TMX4: variants seen among roughly 807,000 people sequenced by gnomAD.
The protein encoded by TMX4 is thioredoxin related transmembrane protein 4.
A neutral mutation model predicts 33.3 loss-of-function variants in TMX4; 23 were observed. The observed-to-expected ratio is 0.69, with a 90% confidence interval of 0.50 to 0.98. TMX4 has a LOEUF of 0.98. Among genes scored for constraint, TMX4 ranks in the 50% least tolerant of loss-of-function variants. The pLI is 0.00. For missense variants in TMX4, 399 were observed against 448.9 expected, an observed-to-expected ratio of 0.89 and a Z score of 1.01; for synonymous variants, 164 against 161.5, an observed-to-expected ratio of 1.02 and a Z score of -0.12.
chr20:7,984,222 G>T (rs1333279148), intron 6 of TMX4, among the ~76,000 whole-genome samples: 2 of 152,216 alleles, frequency 1.3e-5, no homozygotes, highest in African/African-American at 4.8e-5. Context: ...GGTAACCCCT[G>T]ATTGAATGGA....
intron 2 of TMX4, among the ~76,000 whole-genome samples, chr20:8,006,528 A>G (rs1177124544): frequency 3.9e-5 from 6 of 152,184 alleles, no homozygotes; most frequent in East Asian, 3.9e-4. Context: ...GGGAAAAATA[A>G]TATCATTTCA....
In TMX4 at chr20:8,019,491, G is replaced by C; in HGVS notation, c.123C>G (p.Pro41=). The change falls in exon 1 of 8, where the codon CCC becomes CCG. Residue 41 remains proline (P), a synonymous_variant. Coordinates refer to ENST00000246024, the MANE Select transcript of TMX4 (RefSeq NM_021156.4). The part of the protein sequence containing the change: ...ALPPEQSRVQ[P]MTASNWTLVM... ...CCAGCGTCCAGTTGGAGGCGGTCATGGGCTGGACCCGGCTCTGCTCCGGCG... is the reference window on the plus strand; with the variant it reads ...CCAGCGTCCAGTTGGAGGCGGTCATCGGCTGGACCCGGCTCTGCTCCGGCG... The C allele has an allele frequency of 1.3e-6, 2 of 1,512,654 alleles. No individual in the cohort carries two copies. Among genetic ancestry groups the C allele is most frequent in the Non-Finnish European group, 8.8e-7 (1 of 1,130,200 alleles). The allele number at this position is 1,512,654 out of a possible 1,614,324, so 93.7% of individuals were successfully genotyped here. A position where few individuals can be genotyped will look rare whatever the true frequency, so the allele number is the denominator to read the frequency against.
chr20:7,997,645 A>G (rs917680348), intron 4 of TMX4, among the ~76,000 whole-genome samples: 2 of 152,182 alleles, frequency 1.3e-5, no homozygotes, highest in Admixed American at 1.3e-4. Flanking sequence ...CCCAGCCAAT[A>G]AAAAAAGGAT....
At chr20:7,994,390 G>C (rs969902201) in intron 5 of TMX4, among the ~76,000 whole-genome samples, 2 of 152,086 alleles carry the variant, frequency 1.3e-5, no homozygotes, top group African/African-American at 2.4e-5. Flanking sequence ...TGTGTACAAA[G>C]ATAAAACACC....
At chr20:8,015,843 C>T (rs1196160517) in intron 1 of TMX4, among the ~76,000 whole-genome samples, 1 of 152,136 alleles carries the variant, frequency 6.6e-6, no homozygotes, top group African/African-American at 2.4e-5. Flanking sequence ...GAAACATGAT[C>T]ATTCCAAAAA....
rs375964339 is a variant in TMX4 at position 7,996,088 on chromosome 20, G to C, written c.468-17C>G. 6 of 1,603,984 alleles carry C rather than the reference G, an allele frequency of 3.7e-6. No homozygotes were observed. The African/African-American group carries it at 8.1e-5, about 22-fold the overall frequency. The stretch of plus-strand genomic sequence containing the variant: ...CCAGACATCCTTAAAAAAAAATAAA[G>C]AGAAGAAACAGTGATCATATATACT... On this transcript the variant is annotated splice_polypyrimidine_tract_variant and intron_variant, in intron 4 of 7. Transcript: ENST00000246024.
intron 3 of TMX4, among the ~76,000 whole-genome samples, chr20:8,000,221 T>C (rs954226942): frequency 6.6e-6 from 1 of 152,072 alleles, no homozygotes; most frequent in Admixed American, 6.6e-5. Context: ...GTATCCACAT[T>C]TTCAAATTTA....
In TMX4 at chr20:7,982,406, G is replaced by C; in HGVS notation, c.895C>G (p.Gln299Glu). Residue 299 changes from glutamine to glutamate, a missense_variant, in exon 8 of 8, where the codon CAG (glutamine) becomes GAG (glutamate). Coordinates refer to ENST00000246024, the MANE Select transcript of TMX4 (RefSeq NM_021156.4). ...VDEERSEAND[Q>E]GPPGEDGVTR... ...ACACCGTCCTCTCCTGGGGGCCCCT[G>C]ATCATTGGCCTCACTTCTCTCCTCA... is the stretch of plus-strand genomic sequence containing the variant. 6.2e-7 allele frequency: 1 copy of C among 1,614,030 alleles called. No homozygotes were observed. Among genetic ancestry groups the C allele is most frequent in the Non-Finnish European group, 8.5e-7 (1 of 1,180,016 alleles).
At chr20:7,991,866 C>T (rs2050656547) in intron 5 of TMX4, among the ~76,000 whole-genome samples, 2 of 151,156 alleles carry the variant, frequency 1.3e-5, no homozygotes, top group Non-Finnish European at 2.9e-5. Context: ...GGGGCCTACA[C>T]ATAAGGTGTG....
intron 5 of TMX4, among the ~76,000 whole-genome samples, chr20:7,991,776 C>G (rs574483056): frequency 6.6e-6 from 1 of 151,924 alleles, no homozygotes; most frequent in South Asian, 2.1e-4. Flanking sequence ...AGCACATTAA[C>G]TAGGTACCAG....
intron 6 of TMX4, among the ~76,000 whole-genome samples, chr20:7,986,717 A>G (rs1444132440): frequency 6.6e-6 from 1 of 152,136 alleles, no homozygotes; most frequent in Non-Finnish European, 1.5e-5. Flanking sequence ...CTCTTGCCTG[A>G]AATACCTGGG....
intron 5 of TMX4, among the ~76,000 whole-genome samples, chr20:7,988,941 T>G (rs1474401204): frequency 6.6e-6 from 1 of 151,622 alleles, no homozygotes; most frequent in Non-Finnish European, 1.5e-5. Flanking sequence ...GAGAATTGCT[T>G]GAACCCCGGA....
Position 7,983,779 on chromosome 20 carries a change from G to A in TMX4, c.679+15C>T, listed in dbSNP as rs1234879891. On this transcript the variant is annotated intron_variant, in intron 7 of 7. Transcript: ENST00000246024. ...TCCAAAAACACTCTAGATCACAGGAGCTTATCGTACTTACCAGAACGCTCA... is the reference window on the plus strand; with the variant it reads ...TCCAAAAACACTCTAGATCACAGGAACTTATCGTACTTACCAGAACGCTCA... 4 of 1,610,600 alleles carry A rather than the reference G, an allele frequency of 2.5e-6. No homozygotes were observed. The highest frequency in any genetic ancestry group is 3.4e-6 in the Non-Finnish European group (4 of 1,177,830).
At chr20:7,999,237 C>T (rs1465653504) in intron 4 of TMX4, among the ~76,000 whole-genome samples, 1 of 152,154 alleles carries the variant, frequency 6.6e-6, no homozygotes, top group Admixed American at 6.5e-5. Flanking sequence ...GCCTAATCTA[C>T]CTCACCAAGT....
At position 8,010,799 on chromosome 20, in the gene TMX4, G is replaced by C. The variant is rs563279846; in HGVS notation, c.177-484C>G. On this transcript the variant is annotated intron_variant, in intron 1 of 7. Coordinates refer to ENST00000246024, the MANE Select transcript of TMX4 (RefSeq NM_021156.4). Reference sequence around the variant, plus strand: ...TGTTTCCAAGATCTGTGGTAATTCTGAACATTCTGAAAAGGAAAGTAGAAG... The same window carrying C: ...TGTTTCCAAGATCTGTGGTAATTCTCAACATTCTGAAAAGGAAAGTAGAAG... Among the ~76,000 whole-genome samples the C allele has an allele frequency of 3.9e-5, 6 of 152,238 alleles. No homozygotes were observed. In the South Asian group the frequency reaches 1.2e-3, roughly 32 times the overall value.
intron 2 of TMX4, among the ~76,000 whole-genome samples, chr20:8,009,723 A>C (rs2050744425): frequency 6.6e-6 from 1 of 152,110 alleles, no homozygotes; most frequent in African/African-American, 2.4e-5. Context: ...AACACCTAGG[A>C]AAACTGTAGC....
intron 1 of TMX4, chr20:8,019,048 A>G: frequency 2.2e-6 from 1 of 452,582 alleles, no homozygotes. Context: ...ATCTAAAAGC[A>G]CACGGTTTGC....
At chr20:7,995,194 G>C (rs953600154) in intron 5 of TMX4, among the ~76,000 whole-genome samples, 1 of 152,124 alleles carries the variant, frequency 6.6e-6, no homozygotes, top group Non-Finnish European at 1.5e-5. Context: ...TGAATATTAT[G>C]TTCCAAACAT....
chr20:7,978,794 A>G lies in TMX4; in HGVS notation c.*3457T>C, dbSNP rs569219171. On this transcript the variant is annotated 3_prime_UTR_variant, in exon 8 of 8. Transcript: ENST00000246024. ...GGAAAGAAAGATGTGGATTGCCTGTATGTTGCTTCAATATGAGATCTCTGA... is the reference window on the plus strand; with the variant it reads ...GGAAAGAAAGATGTGGATTGCCTGTGTGTTGCTTCAATATGAGATCTCTGA... 3 of 152,350 alleles carry G rather than the reference A, an allele frequency of 2.0e-5. No individual in the cohort carries two copies. The highest frequency in any genetic ancestry group is 2.0e-4 in the Admixed American group (3 of 15,306). 9.4% of individuals were successfully genotyped at this position (152,350 alleles called of 1,614,324 possible).
Sources: gnomAD v4.1 joint callset for allele counts (sites outside exome capture counted in the v4.1 genomes callset) on GRCh38, gnomAD v4.1.1 for gene constraint, MANE v1.5 for transcripts, NCBI Gene and HGNC (gene_info 2026-07-23, HGNC 2026-07-21) for gene names.